The following KALRN variants were observed in gnomAD, a reference collection of about 807,000 sequenced individuals.
KALRN encodes the protein kalirin.
A neutral mutation model predicts 353.7 loss-of-function variants in KALRN; 70 were observed. That is an observed-to-expected ratio of 0.20 (90% CI 0.16 to 0.24). The LOEUF (loss-of-function observed/expected upper bound fraction) is 0.24. KALRN is among the 10% of genes least tolerant of loss of function. The pLI is 1.00. For missense variants in KALRN, 2,791 were observed against 3,756.7 expected, an observed-to-expected ratio of 0.74 and a Z score of 6.72; for synonymous variants, 1,391 against 1,434.8, an observed-to-expected ratio of 0.97 and a Z score of 0.69.
At chr3:124,332,041 C>G (rs372527441) in intron 8 of KALRN, among the ~76,000 whole-genome samples, 25 of 152,238 alleles carry the variant, frequency 1.6e-4, no homozygotes, top group African/African-American at 3.9e-4. Context: ...GGATATTTGT[C>G]TTATTTATGT....
intron 34 of KALRN, among the ~76,000 whole-genome samples, chr3:124,628,204 C>G (rs780432081): frequency 2.6e-4 from 11 of 42,190 alleles, no homozygotes; most frequent in Admixed American, 3.8e-4. Context: ...CTCCCTCCCC[C>G]CCTCCTTCCT....
rs575163061 is a variant in KALRN, at chr3:124,176,959, G to A, written c.74-51031G>A. On this transcript the variant is annotated intron_variant, in intron 1 of 59. Coordinates refer to ENST00000682506, the MANE Select transcript of KALRN (RefSeq NM_001388419.1). ...AAAGGAGACAGCAGATTGATTTCCT[G>A]TCAGACTCCCAGGGCAGAGAGGCCC... 1.1e-4 allele frequency among the ~76,000 whole-genome samples: 16 copies of A among 152,272 alleles called. No individual in the cohort carries two copies. In the East Asian group the frequency reaches 3.1e-3, roughly 29 times the overall value.
chr3:124,088,216 C>T (rs535534700), intron 1 of KALRN, among the ~76,000 whole-genome samples: 17 of 152,174 alleles, frequency 1.1e-4, no homozygotes, highest in African/African-American at 4.1e-4. Flanking sequence ...TCAGGAACTT[C>T]GTAGTTTCTT....
chr3:124,381,541 T>C (rs2087382266), intron 10 of KALRN, among the ~76,000 whole-genome samples: 1 of 152,170 alleles, frequency 6.6e-6, no homozygotes, highest in Admixed American at 6.5e-5. Flanking sequence ...GAGACAAAGC[T>C]GAGGGCCCAG....
intron 33 of KALRN, among the ~76,000 whole-genome samples, chr3:124,506,921 G>C (rs1577546467): frequency 6.6e-6 from 1 of 152,222 alleles, no homozygotes; most frequent in Middle Eastern, 3.4e-3. Context: ...TAATTCATCA[G>C]TCATTTTCTG....
At position 124,693,806 on chromosome 3, in the gene KALRN, C is replaced by T; in HGVS notation, c.7380C>T (p.Ile2460=). 6.4e-7 allele frequency: 1 copy of T among 1,566,472 alleles called. No individual in the cohort carries two copies. Among genetic ancestry groups the T allele is most frequent in the Non-Finnish European group, 8.7e-7 (1 of 1,144,360 alleles). ...DDLDPNTSME[I]LNPNFIQEVA... ...TTCTGTGTCTTTTTGTTTTTCAGAT[C>T]TTAAATCCAAATTTCATCCAAGAAG... Residue 2460 remains isoleucine, a splice_region_variant and synonymous_variant, in exon 52 of 60, where the codon ATC becomes ATT. Transcript: ENST00000682506.
intron 15 of KALRN, among the ~76,000 whole-genome samples, chr3:124,428,277 G>C (rs1322498091): frequency 6.6e-6 from 1 of 152,092 alleles, no homozygotes; most frequent in African/African-American, 2.4e-5. Context: ...ACAGATTCTG[G>C]AATAAAGCTG....
intron 37 of KALRN, among the ~76,000 whole-genome samples, chr3:124,639,318 A>G (rs573957284): frequency 6.6e-6 from 1 of 152,316 alleles, no homozygotes; most frequent in East Asian, 1.9e-4. Context: ...CTAAAGCCAC[A>G]TACTGCCTGG....
intron 3 of KALRN, among the ~76,000 whole-genome samples, chr3:124,253,998 T>C (rs1438334742): frequency 6.6e-6 from 1 of 152,138 alleles, no homozygotes; most frequent in Admixed American, 6.5e-5. Context: ...CAGACATTCA[T>C]AGAAATGGGG....
intron 6 of KALRN, among the ~76,000 whole-genome samples, chr3:124,308,431 C>A (rs560902720): frequency 6.6e-6 from 1 of 151,740 alleles, no homozygotes; most frequent in Non-Finnish European, 1.5e-5. Context: ...AAAAAACAAA[C>A]CTCATGAAAT....
intron 51 of KALRN, among the ~76,000 whole-genome samples, chr3:124,684,268 G>A (rs560778486): frequency 2.6e-5 from 4 of 152,028 alleles, no homozygotes; most frequent in African/African-American, 7.2e-5. Context: ...ACCATCCTGC[G>A]GCCACTTGGT....
chr3:124,121,093 CAAAAAAAAA>C (rs35883031), intron 1 of KALRN, among the ~76,000 whole-genome samples: 3 of 75,148 alleles, frequency 4.0e-5, no homozygotes, highest in African/African-American at 1.1e-4. Flanking sequence ...GACTCCATCT[CAAAAAAAAA>C]AAAAAAAAAA....
intron 23 of KALRN, among the ~76,000 whole-genome samples, chr3:124,459,712 A>G (rs1043628204): frequency 2.0e-5 from 3 of 152,222 alleles, no homozygotes; most frequent in Admixed American, 6.5e-5. Flanking sequence ...GACTTTATAA[A>G]GAATATTTTG....
At chr3:124,556,293 C>G (rs1055674013) in intron 33 of KALRN, among the ~76,000 whole-genome samples, 2 of 152,168 alleles carry the variant, frequency 1.3e-5, no homozygotes, top group African/African-American at 4.8e-5. Flanking sequence ...AAGCTTTAGC[C>G]TCTTAATTGG....
intron 33 of KALRN, among the ~76,000 whole-genome samples, chr3:124,559,965 A>C (rs1256669546): frequency 2.6e-5 from 4 of 152,228 alleles, no homozygotes; most frequent in Non-Finnish European, 2.9e-5. Flanking sequence ...GAAATTGCCC[A>C]TTGATCTTGT....
At chr3:124,408,181 T>G (rs1380207441) in intron 13 of KALRN, among the ~76,000 whole-genome samples, 1 of 44,382 alleles carries the variant, frequency 2.3e-5, no homozygotes, top group Non-Finnish European at 4.3e-5. Context: ...CAAAATTTCT[T>G]GGTCTGCTAA....
intron 51 of KALRN, among the ~76,000 whole-genome samples, chr3:124,686,025 G>A (rs1471758357): frequency 1.3e-5 from 2 of 152,130 alleles, no homozygotes; most frequent in East Asian, 1.9e-4. Context: ...AGGCATTGCA[G>A]TGATTATTAT....
At chr3:124,092,002 G>C (rs1470612097) in intron 1 of KALRN, among the ~76,000 whole-genome samples, 1 of 152,090 alleles carries the variant, frequency 6.6e-6, no homozygotes, top group Non-Finnish European at 1.5e-5. Context: ...GTGGGCTGGG[G>C]AGCTCCAAGG....
At chr3:124,359,899 G>A (rs1411618186) in intron 10 of KALRN, among the ~76,000 whole-genome samples, 1 of 152,246 alleles carries the variant, frequency 6.6e-6, no homozygotes. Flanking sequence ...GTGGGAAAGA[G>A]TAGGCCTGTG....
Sources: gnomAD v4.1 joint callset for allele counts (sites outside exome capture counted in the v4.1 genomes callset) on GRCh38, gnomAD v4.1.1 for gene constraint, MANE v1.5 for transcripts, NCBI Gene and HGNC (gene_info 2026-07-23, HGNC 2026-07-21) for gene names.